The following PLXNA3 variants were observed in gnomAD, a reference collection of about 807,000 sequenced individuals.
PLXNA3 encodes the protein plexin-A3.
In PLXNA3, 52 loss-of-function variants were observed where a neutral mutation model predicts 118.8. The ratio of observed to expected loss-of-function variants is 0.44; its 90% confidence interval spans 0.35 to 0.55. The LOEUF (loss-of-function observed/expected upper bound fraction) is 0.55, where lower values mean the gene tolerates loss of function less well. PLXNA3 is among the 20% of genes least tolerant of loss of function. PLXNA3 has a pLI of 0.01. For missense variants in PLXNA3, 1,660 were observed against 1,730.8 expected (o/e 0.96, Z 0.73); for synonymous variants, 925 against 762.4 (o/e 1.21, Z -3.51).
chrX:154,460,816 C>G, intron 2 of PLXNA3, 39 bp downstream of exon 2: 3 of 965,889 alleles, frequency 3.1e-6, no homozygotes, highest in Non-Finnish European at 4.2e-6. Context: ...CCACCCAGTC[C>G]TGGCTCTGCC....
chrX:154,464,639 C>T, intron 9 of PLXNA3, 115 bp from the exon 10 acceptor site: 1 of 691,834 alleles, frequency 1.4e-6, no homozygotes, highest in Non-Finnish European at 2.2e-6. Flanking sequence ...ATCCCCACAT[C>T]TCTCTGTCCC....
In PLXNA3 at chrX:154,477,589, A is replaced by G. The variant is rs1331500924; in HGVS notation, c.*4904A>G. The G allele has an allele frequency of 5.6e-6, 1 of 179,575 alleles. No homozygotes were observed. Among genetic ancestry groups the G allele is most frequent in the Non-Finnish European group, 1.0e-5 (1 of 96,039 alleles). 14.8% of individuals were successfully genotyped at this position (179,575 alleles called of 1,213,427 possible). On this transcript the variant is annotated 3_prime_UTR_variant, in exon 33 of 33. Transcript: ENST00000369682. ...CTGTAAAACTGAGGAAGTATTCCAA[A>G]ATGTTGACAGTAGTTAATCCTGAAT...
rs1557207873 is a variant in PLXNA3 at position 154,467,860 on chromosome X, G to A, written c.3679G>A (p.Gly1227Arg). Residue 1227 changes from glycine to arginine, a missense_variant, in exon 21 of 33, where the codon GGG becomes AGG. Physicochemically the swap from Gly to Arg is moderately radical, Grantham distance 125. Coordinates refer to ENST00000369682, the MANE Select transcript of PLXNA3 (RefSeq NM_017514.5). ...TLPAMMGLAAGGGLLLLAITA... is the reference protein window; with the variant it reads ...TLPAMMGLAARGGLLLLAITA... ...ACCGGCCATGATGGGGCTGGCGGCG[G>A]GGGGTGGGCTCCTGCTGCTGGCCAT... is the stretch of plus-strand genomic sequence containing the variant. 2.5e-6 allele frequency: 3 copies of A among 1,206,664 alleles called. No homozygotes were observed. The African/African-American group carries it at 5.2e-5, about 21-fold the overall frequency.
chrX:154,477,126 CACCAGGAT>C lies in PLXNA3; in HGVS notation c.*4443_*4450del, dbSNP rs1174665690. On this transcript the variant is annotated 3_prime_UTR_variant, in exon 33 of 33. Transcript: ENST00000369682. ...ACAGGGACTAGCAGCTGTCCCCACC[CACCAGGAT>C]AGAGAAGCTCATGTTCACCTAGGCA... The C allele has an allele frequency of 1.8e-5, 2 of 111,704 alleles. No homozygotes were observed. Among genetic ancestry groups the C allele is most frequent in the African/African-American group, 6.5e-5 (2 of 30,634 alleles). 9.2% of individuals were successfully genotyped at this position (111,704 alleles called of 1,213,427 possible). A position where few individuals can be genotyped will look rare whatever the true frequency, so the allele number is the denominator to read the frequency against.
chrX:154,469,328 A>G lies in PLXNA3; in HGVS notation c.4595-51A>G, dbSNP rs371535672. On this transcript the variant is annotated intron_variant, in intron 26 of 32. Coordinates refer to ENST00000369682, the MANE Select transcript of PLXNA3 (RefSeq NM_017514.5). ...CCCTGTTTCCAAAGAGGAGTGGGCC[A>G]GGCACTTGGGGGCTGCCAGCATAAT... 1.5e-3 allele frequency: 1,690 copies of G among 1,160,355 alleles called. 2 individuals are homozygous for G. The highest frequency in any genetic ancestry group is 1.9e-3 in the Non-Finnish European group (1,594 of 853,679).
chrX:154,465,310 G>A, intron 11 of PLXNA3, 92 bp downstream of exon 11: 1 of 1,045,646 alleles, frequency 9.6e-7, no homozygotes, highest in Non-Finnish European at 1.3e-6. Context: ...GCAGGGAACT[G>A]TCTGAGTCTC....
At position 154,467,594 on chromosome X, in the gene PLXNA3, C is replaced by G; in HGVS notation, c.3491C>G (p.Thr1164Ser). The G allele has an allele frequency of 3.3e-6, 4 of 1,205,774 alleles. No homozygotes were observed. The highest frequency in any genetic ancestry group is 4.5e-6 in the Non-Finnish European group (4 of 892,882). ...GCCGGCAGCTCCCGCCTCAACTACA[C>G]TGTGCTGATAGGAGGCCAGCCGTGT... is the stretch of plus-strand genomic sequence containing the variant. ...AAAGSSRLNY[T>S]VLIGGQPCSL... The change falls in exon 20 of 33, where the codon ACT (threonine) becomes AGT (serine). Residue 1164 changes from threonine to serine, a missense_variant. Physicochemically the swap from Thr to Ser is moderately conservative, Grantham distance 58. Transcript: ENST00000369682.
Position 154,458,313 on chromosome X carries a change from C to T in PLXNA3, c.-143C>T, listed in dbSNP as rs1270228630. On this transcript the variant is annotated 5_prime_UTR_variant, in exon 1 of 33. Transcript: ENST00000369682. ...GGGCGGCGGCGGCGGCGGCTGCGCG[C>T]TTGGGGCCCGGGGCGCGGGGCGAGG... The T allele has an allele frequency of 9.2e-6, 1 of 108,738 alleles. No homozygotes were observed. Among genetic ancestry groups the T allele is most frequent in the Non-Finnish European group, 1.9e-5 (1 of 51,762 alleles). 9.0% of individuals were successfully genotyped at this position (108,738 alleles called of 1,213,427 possible).
chrX:154,467,761 C>T lies in PLXNA3; in HGVS notation c.3586-6C>T. 1 of 1,200,842 alleles carries T rather than the reference C, an allele frequency of 8.3e-7. No individual in the cohort carries two copies. Among genetic ancestry groups the T allele is most frequent in the Non-Finnish European group, 1.1e-6 (1 of 892,289 alleles). On this transcript the variant is annotated splice_region_variant and splice_polypyrimidine_tract_variant and intron_variant, in intron 20 of 32. Transcript: ENST00000369682. Reference sequence around the variant, plus strand: ...TGGTCAGCTCACCTCAGGCCTGTCCCCACAGGTGCTGGTGGGTGGCCTGGA... The same window carrying T: ...TGGTCAGCTCACCTCAGGCCTGTCCTCACAGGTGCTGGTGGGTGGCCTGGA...
intron 18 of PLXNA3, 30 bp from the exon 19 acceptor site, chrX:154,467,202 G>C (rs370455361): frequency 8.3e-7 from 1 of 1,207,940 alleles, no homozygotes; most frequent in East Asian, 3.0e-5. Context: ...ATGGCTTCAC[G>C]TGCCTGGCTG....
Position 154,468,358 on chromosome X carries a change from G to C in PLXNA3, c.4019G>C (p.Arg1340Pro). The change falls in exon 23 of 33, where the codon CGC becomes CCC. Residue 1340 changes from arginine (R) to proline (P), a missense_variant. Coordinates refer to ENST00000369682, the MANE Select transcript of PLXNA3 (RefSeq NM_017514.5). The part of the protein sequence containing the change: ...LRLFGQLLHS[R>P]AFVLTFIHTL... The stretch of plus-strand genomic sequence containing the variant: ...CTCTTCGGGCAGCTGCTGCACAGCC[G>C]CGCGTTCGTGCTTACCTTCATCCAC... The C allele has an allele frequency of 8.3e-7, 1 of 1,209,773 alleles. No individual in the cohort carries two copies. The highest frequency in any genetic ancestry group is 1.1e-6 in the Non-Finnish European group (1 of 894,941).
At chrX:154,468,251 A>G in intron 22 of PLXNA3, 27 bp downstream of exon 22, 1 of 1,167,056 alleles carries the variant, frequency 8.6e-7, no homozygotes, top group Non-Finnish European at 1.1e-6. Context: ...CCTGCCCCCC[A>G]CCATTCCCTT....
chrX:154,464,968 G>T (rs2069053231), intron 10 of PLXNA3, 50 bp from the exon 11 acceptor site: 7 of 1,096,372 alleles, frequency 6.4e-6, no homozygotes, highest in Admixed American at 2.6e-5. Flanking sequence ...TCCAGGTTGG[G>T]CCTGGAGAAG....
In PLXNA3 at chrX:154,462,127, G is replaced by T. The variant is rs781990719; in HGVS notation, c.1135-1G>T. ...CACGGGTTCCTCCTCTGTTTCACCAGCCCATGCAGATCAACGGCAACTTCT... is the reference window on the plus strand; with the variant it reads ...CACGGGTTCCTCCTCTGTTTCACCATCCCATGCAGATCAACGGCAACTTCT... On this transcript the variant is annotated splice_acceptor_variant, in intron 3 of 32. Coordinates refer to ENST00000369682, the MANE Select transcript of PLXNA3 (RefSeq NM_017514.5). LOFTEE classifies it high-confidence loss of function. 8.4e-7 allele frequency: 1 copy of T among 1,188,768 alleles called. No individual in the cohort carries two copies. Among genetic ancestry groups the T allele is most frequent in the Non-Finnish European group, 1.1e-6 (1 of 883,213 alleles).
rs1257483425 is a variant in PLXNA3 at position 154,475,479 on chromosome X, T to G, written c.*2794T>G. 1 of 112,253 alleles carries G rather than the reference T, an allele frequency of 8.9e-6. No homozygotes were observed. Among genetic ancestry groups the G allele is most frequent in the East Asian group, 2.8e-4 (1 of 3,609 alleles). The allele number at this position is 112,253 out of a possible 1,213,427, so 9.3% of individuals were successfully genotyped here. A position where few individuals can be genotyped will look rare whatever the true frequency, so the allele number is the denominator to read the frequency against. ...GCTTGGACAGCCACCTGAGTTGGGT[T>G]TAAAAGCTGCCAGCTCCAGCCGTCC... On this transcript the variant is annotated 3_prime_UTR_variant, in exon 33 of 33. Coordinates refer to ENST00000369682, the MANE Select transcript of PLXNA3 (RefSeq NM_017514.5).
chrX:154,466,890 C>T (rs1557207358), intron 17 of PLXNA3, 97 bp downstream of exon 17: 3 of 895,171 alleles, frequency 3.4e-6, no homozygotes, highest in Non-Finnish European at 4.6e-6. Flanking sequence ...GGAGCCTAGG[C>T]CCTCATTGGT....
chrX:154,471,581 C>G lies in PLXNA3; in HGVS notation c.5463C>G (p.Phe1821Leu). 8.3e-7 allele frequency: 1 copy of G among 1,211,100 alleles called. No individual in the cohort carries two copies. The highest frequency in any genetic ancestry group is 1.1e-6 in the Non-Finnish European group (1 of 894,807). Residue 1821 changes from phenylalanine to leucine, a missense_variant, in exon 32 of 33, where the codon TTC (phenylalanine) becomes TTG (leucine). By Grantham distance (22) the Phe-to-Leu change is conservative. Transcript: ENST00000369682. ...AGTCCCGCCTCCACGCCAGCGACTTCAGCGTCCTGAGTGCGCTCAACGAGC... is the reference window on the plus strand; with the variant it reads ...AGTCCCGCCTCCACGCCAGCGACTTGAGCGTCCTGAGTGCGCTCAACGAGC... ...VEQSRLHASD[F>L]SVLSALNELY...
chrX:154,470,363 T>G, intron 29 of PLXNA3, 79 bp from the exon 30 acceptor site: 1 of 1,065,161 alleles, frequency 9.4e-7, no homozygotes. Flanking sequence ...TTGCCAAGCC[T>G]TTCTGCCTCC....
chrX:154,466,352 C>T, intron 15 of PLXNA3, 24 bp from the exon 16 acceptor site: 10 of 1,211,517 alleles, frequency 8.3e-6, no homozygotes, highest in Non-Finnish European at 1.1e-5. Flanking sequence ...CCGGCTCCTC[C>T]CCTCAGGGCA....
Sources: gnomAD v4.1 joint callset for allele counts on GRCh38, gnomAD v4.1.1 for gene constraint, MANE v1.5 for transcripts, NCBI Gene and HGNC (gene_info 2026-07-23, HGNC 2026-07-21) for gene names.